ST6GALNAC3: variants seen among roughly 807,000 people sequenced by gnomAD.
ST6GALNAC3 encodes the protein ST6 N-acetylgalactosaminide alpha-2,6-sialyltransferase 3, also known as alpha-N-acetylgalactosaminide alpha-2,6-sialyltransferase 3.
In ST6GALNAC3, 25 loss-of-function variants were observed where a neutral mutation model predicts 32.7. The ratio of observed to expected loss-of-function variants is 0.76; its 90% confidence interval spans 0.56 to 1.07. The LOEUF is 1.07. Among genes scored for constraint, ST6GALNAC3 ranks in the 50% least tolerant of loss-of-function variants. The pLI, the probability that ST6GALNAC3 is intolerant of heterozygous loss-of-function variation, is 0.00. For missense variants in ST6GALNAC3, 355 were observed against 382.4 expected, an observed-to-expected ratio of 0.93 and a Z score of 0.60; for synonymous variants, 129 against 133.1, an observed-to-expected ratio of 0.97 and a Z score of 0.21.
intron 1 of ST6GALNAC3, among the ~76,000 whole-genome samples, chr1:76,237,895 C>G (rs1184857746): frequency 6.6e-6 from 1 of 152,238 alleles, no homozygotes; most frequent in African/African-American, 2.4e-5. Context: ...CCTCACTTGC[C>G]TGGATATGAA....
chr1:76,110,059 A>T (rs1282020641), intron 1 of ST6GALNAC3, among the ~76,000 whole-genome samples: 1 of 152,258 alleles, frequency 6.6e-6, no homozygotes, highest in African/African-American at 2.4e-5. Flanking sequence ...GGATATCTGG[A>T]TGGAAACCAG....
intron 3 of ST6GALNAC3, among the ~76,000 whole-genome samples, chr1:76,413,657 G>C (rs1654423144): frequency 6.6e-6 from 1 of 152,054 alleles, no homozygotes; most frequent in African/African-American, 2.4e-5. Context: ...TGAAATACAA[G>C]ACAGAAATAG....
At chr1:76,418,843 G>A (rs557158304) in intron 3 of ST6GALNAC3, among the ~76,000 whole-genome samples, 5 of 151,960 alleles carry the variant, frequency 3.3e-5, no homozygotes, top group African/African-American at 1.2e-4. Context: ...TTATGAAACA[G>A]GGGAACTTCC....
At chr1:76,393,153 A>G (rs1652693493) in intron 2 of ST6GALNAC3, among the ~76,000 whole-genome samples, 1 of 152,190 alleles carries the variant, frequency 6.6e-6, no homozygotes, top group African/African-American at 2.4e-5. Flanking sequence ...TCTTTTTCAA[A>G]TGTTTTAAAG....
chr1:76,216,920 A>G (rs1655498441), intron 1 of ST6GALNAC3, among the ~76,000 whole-genome samples: 1 of 152,202 alleles, frequency 6.6e-6, no homozygotes, highest in African/African-American at 2.4e-5. Context: ...TCTTGTTCGG[A>G]AAAAAAATAC....
chr1:76,204,614 G>A (rs1654718655), intron 1 of ST6GALNAC3, among the ~76,000 whole-genome samples: 2 of 152,108 alleles, frequency 1.3e-5, no homozygotes, highest in African/African-American at 2.4e-5. Flanking sequence ...TTCTCAAATG[G>A]CACTATTCTG....
chr1:76,096,273 T>C (rs2100761960), intron 1 of ST6GALNAC3, among the ~76,000 whole-genome samples: 1 of 152,314 alleles, frequency 6.6e-6, no homozygotes, highest in South Asian at 2.1e-4. Context: ...CACAAACTTC[T>C]GGCTGAAAAT....
intron 3 of ST6GALNAC3, among the ~76,000 whole-genome samples, chr1:76,474,633 A>G (rs1473555939): frequency 6.6e-6 from 1 of 152,158 alleles, no homozygotes; most frequent in African/African-American, 2.4e-5. Context: ...TAGAATAGCT[A>G]TTAACTGTTT....
At chr1:76,516,892 A>G (rs1231786472) in intron 3 of ST6GALNAC3, among the ~76,000 whole-genome samples, 2 of 151,958 alleles carry the variant, frequency 1.3e-5, no homozygotes, top group Non-Finnish European at 2.9e-5. Flanking sequence ...GTTTCCTCCT[A>G]GTTATCTTTT....
intron 2 of ST6GALNAC3, among the ~76,000 whole-genome samples, chr1:76,323,776 C>A (rs1647015146): frequency 6.6e-6 from 1 of 152,060 alleles, no homozygotes; most frequent in Non-Finnish European, 1.5e-5. Context: ...CTGTGATGGT[C>A]TATATCTGGG....
At chr1:76,451,311 G>A (rs975498717) in intron 3 of ST6GALNAC3, among the ~76,000 whole-genome samples, 3 of 152,162 alleles carry the variant, frequency 2.0e-5, no homozygotes, top group African/African-American at 7.2e-5. Context: ...TGAAGGAAGA[G>A]CAAAGGCATG....
intron 2 of ST6GALNAC3, among the ~76,000 whole-genome samples, chr1:76,331,278 G>A (rs1647182411): frequency 6.6e-6 from 1 of 152,066 alleles, no homozygotes; most frequent in African/African-American, 2.4e-5. Context: ...AGAAAGAAGT[G>A]GTTGCTTTCT....
At chr1:76,144,127 C>T (rs1346027095) in intron 1 of ST6GALNAC3, among the ~76,000 whole-genome samples, 2 of 147,856 alleles carry the variant, frequency 1.4e-5, no homozygotes, top group Non-Finnish European at 3.0e-5. Context: ...TTCCCCTTCA[C>T]CACTAAAACC....
intron 3 of ST6GALNAC3, among the ~76,000 whole-genome samples, chr1:76,566,078 T>C (rs1353801112): frequency 6.6e-6 from 1 of 152,204 alleles, no homozygotes; most frequent in Non-Finnish European, 1.5e-5. Flanking sequence ...AGAGGACATC[T>C]TTGGCTAGTA....
intron 3 of ST6GALNAC3, among the ~76,000 whole-genome samples, chr1:76,437,705 GT>G (rs1432786116): frequency 2.0e-5 from 3 of 151,616 alleles, no homozygotes; most frequent in African/African-American, 7.3e-5. Context: ...AGCCTCCTGA[GT>G]AGCTGGGACT....
chr1:76,590,206 T>G (rs568805654), intron 3 of ST6GALNAC3, among the ~76,000 whole-genome samples: 1 of 152,302 alleles, frequency 6.6e-6, no homozygotes, highest in Non-Finnish European at 1.5e-5. Flanking sequence ...TTTACTGAGG[T>G]TCTGAGCAGC....
In ST6GALNAC3 at chr1:76,297,784, A is replaced by G. The variant is rs138486029; in HGVS notation, c.19-16021A>G. ...ATGGTACTGCAATTTTATCATGTCT[A>G]TTATACAGATATATAATTTGTACTG... is the stretch of plus-strand genomic sequence containing the variant. On this transcript the variant is annotated intron_variant, in intron 1 of 4. Transcript: ENST00000328299. Among the ~76,000 whole-genome samples the G allele has an allele frequency of 4.3e-3, 659 of 152,174 alleles. 9 individuals carry two copies. Among genetic ancestry groups the G allele is most frequent in the African/African-American group, 0.015 (620 of 41,554 alleles).
intron 1 of ST6GALNAC3, among the ~76,000 whole-genome samples, chr1:76,148,300 A>C (rs1650819837): frequency 1.3e-5 from 2 of 152,170 alleles, no homozygotes; most frequent in Admixed American, 1.3e-4. Flanking sequence ...TATATAACAA[A>C]GCTCTGTTAT....
chr1:76,476,577 C>T (rs1659367864), intron 3 of ST6GALNAC3, among the ~76,000 whole-genome samples: 1 of 152,066 alleles, frequency 6.6e-6, no homozygotes. Flanking sequence ...TGGAATAGAA[C>T]TGTTTTTCAT....
Sources: gnomAD v4.1 joint callset for allele counts (sites outside exome capture counted in the v4.1 genomes callset) on GRCh38, gnomAD v4.1.1 for gene constraint, MANE v1.5 for transcripts, NCBI Gene and HGNC (gene_info 2026-07-23, HGNC 2026-07-21) for gene names.